The following ZNF525 variants were observed in gnomAD, a reference collection of about 807,000 sequenced individuals.
ZNF525 encodes zinc finger protein 525.
In ZNF525, 33 loss-of-function variants were observed where a neutral mutation model predicts 37.6. The observed-to-expected ratio is 0.88, with a 90% CI of 0.67 to 1.17. The LOEUF (loss-of-function observed/expected upper bound fraction) is 1.17, where lower values mean the gene tolerates loss of function less well. Ranked by LOEUF, ZNF525 falls within the 50% of genes most tolerant of loss-of-function variation. The pLI is 0.00. For missense variants in ZNF525, 449 were observed against 543.1 expected, an observed-to-expected ratio of 0.83 and a Z score of 1.72; for synonymous variants, 170 against 182.3, an observed-to-expected ratio of 0.93 and a Z score of 0.54.
rs140367701 is a variant in ZNF525 at position 53,376,010 on chromosome 19, T to C, written c.142+114T>C. The stretch of plus-strand genomic sequence containing the variant: ...TCCCCAAGGGTGGGGTGCAATGGTG[T>C]GATCATGGCTCACTGCAATCTTGAA... On this transcript the variant is annotated intron_variant, in intron 3 of 3. Coordinates refer to ENST00000474037, the MANE Select transcript of ZNF525 (RefSeq NM_001348156.2). 3,514 of 1,572,152 alleles carry C rather than the reference T, an allele frequency of 2.2e-3. 2 individuals are homozygous for C. The highest frequency in any genetic ancestry group is 2.7e-3 in the Non-Finnish European group (3,197 of 1,163,470).
intron 1 of ZNF525, among the ~76,000 whole-genome samples, chr19:53,371,351 AC>A (rs890760749): frequency 9.9e-5 from 15 of 151,930 alleles, no homozygotes; most frequent in Admixed American, 5.2e-4. Flanking sequence ...GGTGTGTGCC[AC>A]CACACTCAGC....
At chr19:53,377,141 A>G (rs532845035) in intron 3 of ZNF525, among the ~76,000 whole-genome samples, 16 of 152,374 alleles carry the variant, frequency 1.1e-4, no homozygotes, top group African/African-American at 3.6e-4. Flanking sequence ...GAAGGGACAC[A>G]TATACCAGTT....
chr19:53,374,212 T>C (rs2085506607), intron 2 of ZNF525, among the ~76,000 whole-genome samples: 1 of 151,924 alleles, frequency 6.6e-6, no homozygotes, highest in African/African-American at 2.4e-5. Context: ...GCTCCTCTCC[T>C]TCCTCCCACT....
chr19:53,379,002 G>A (rs962303191), intron 3 of ZNF525, among the ~76,000 whole-genome samples: 1 of 152,070 alleles, frequency 6.6e-6, no homozygotes, highest in Admixed American at 6.6e-5. Context: ...TTTATGCATA[G>A]TGAACTAGAT....
chr19:53,377,792 C>T (rs762754062), intron 3 of ZNF525, among the ~76,000 whole-genome samples: 26 of 152,074 alleles, frequency 1.7e-4, no homozygotes, highest in Non-Finnish European at 3.1e-4. Flanking sequence ...GATCTCCTGA[C>T]CTCATGATCC....
chr19:53,380,231 C>T (rs2085550019), intron 3 of ZNF525, among the ~76,000 whole-genome samples: 2 of 151,756 alleles, frequency 1.3e-5, no homozygotes, highest in African/African-American at 4.8e-5. Flanking sequence ...GCTGGGAGTA[C>T]AGACGTGCAC....
rs2085580674 is a variant in ZNF525 at position 53,383,237 on chromosome 19, A to C, written c.*1218A>C. ...AATTCACACTGGGGAGAAACCTTAC[A>C]AGTGTAATGAGTGTGGCAAAACCTT... On this transcript the variant is annotated 3_prime_UTR_variant, in exon 4 of 4. Transcript: ENST00000474037. 7.0e-7 allele frequency: 1 copy of C among 1,431,448 alleles called. No individual in the cohort carries two copies. The highest frequency in any genetic ancestry group is 1.4e-5 in the African/African-American group (1 of 70,638). The allele number at this position is 1,431,448 out of a possible 1,614,324, so 88.7% of individuals were successfully genotyped here.
Position 53,382,075 on chromosome 19 carries a change from AT to A in ZNF525, c.*58del. The A allele has an allele frequency of 6.8e-7, 1 of 1,462,712 alleles. No individual in the cohort carries two copies. The highest frequency in any genetic ancestry group is 1.8e-5 in the Admixed American group (1 of 55,496). 90.6% of individuals were successfully genotyped at this position (1,462,712 alleles called of 1,614,324 possible). ...GGAGAGAAATGTTATAAGTGTAATG[AT>A]TGTGGCAAGATCTTCAGTCATACGT... On this transcript the variant is annotated 3_prime_UTR_variant, in exon 4 of 4. Coordinates refer to ENST00000474037, the MANE Select transcript of ZNF525 (RefSeq NM_001348156.2).
chr19:53,374,282 A>C (rs551680285), intron 2 of ZNF525, among the ~76,000 whole-genome samples: 1 of 152,220 alleles, frequency 6.6e-6, no homozygotes, highest in African/African-American at 2.4e-5. Flanking sequence ...TCCAGGAAAT[A>C]TTTTACCTTG....
chr19:53,373,093 A>T (rs10421033), intron 2 of ZNF525, among the ~76,000 whole-genome samples: 4 of 151,910 alleles, frequency 2.6e-5, no homozygotes, highest in African/African-American at 9.7e-5. Flanking sequence ...TATTCTGATA[A>T]TATTATTATA....
chr19:53,383,251 TG>T lies in ZNF525; in HGVS notation c.*1234del. 7.0e-7 allele frequency: 1 copy of T among 1,429,854 alleles called. No individual in the cohort carries two copies. Among genetic ancestry groups the T allele is most frequent in the Non-Finnish European group, 9.6e-7 (1 of 1,040,724 alleles). The allele number at this position is 1,429,854 out of a possible 1,614,324, so 88.6% of individuals were successfully genotyped here. ...AGAAACCTTACAAGTGTAATGAGTG[TG>T]GCAAAACCTTCCATCACAATTCAGT... is the stretch of plus-strand genomic sequence containing the variant. On this transcript the variant is annotated 3_prime_UTR_variant, in exon 4 of 4. Transcript: ENST00000474037.
intron 1 of ZNF525, among the ~76,000 whole-genome samples, chr19:53,369,198 G>T (rs536913237): frequency 1.3e-5 from 2 of 151,948 alleles, no homozygotes; most frequent in Admixed American, 6.5e-5. Flanking sequence ...GATACATAAG[G>T]TTGGTTATTT....
At chr19:53,375,953 C>G in intron 3 of ZNF525, 57 bp downstream of exon 3, 1 of 1,611,150 alleles carries the variant, frequency 6.2e-7, no homozygotes, top group Non-Finnish European at 8.5e-7. Flanking sequence ...TTTGTATTTT[C>G]TCTTTTTTTA....
Position 53,381,612 on chromosome 19 carries a change from C to T in ZNF525, c.1033C>T (p.His345Tyr). The T allele has an allele frequency of 9.1e-7, 1 of 1,100,148 alleles. No homozygotes were observed. Among genetic ancestry groups the T allele is most frequent in the Non-Finnish European group, 1.4e-6 (1 of 710,456 alleles). 68.1% of individuals were successfully genotyped at this position (1,100,148 alleles called of 1,614,324 possible). A position where few individuals can be genotyped will look rare whatever the true frequency, so the allele number is the denominator to read the frequency against. The stretch of plus-strand genomic sequence containing the variant: ...TAGTCAGAAGTCATACCTTGCATGC[C>T]ATCGTAGCATTCATACTGGAAAGAA... The part of the protein sequence containing the change: ...TFSQKSYLAC[H>Y]RSIHTGKKPY... Residue 345 changes from histidine to tyrosine, a missense_variant, in exon 4 of 4, where the codon CAT becomes TAT. Around this residue, in one of 2 missense-constraint regions of ZNF525, gnomAD observed 178 missense variants for 161.5 expected, o/e 1.10. Transcript: ENST00000474037.
At chr19:53,372,989 TA>T (rs2085497979) in intron 2 of ZNF525, among the ~76,000 whole-genome samples, 1 of 152,206 alleles carries the variant, frequency 6.6e-6, no homozygotes, top group African/African-American at 2.4e-5. Context: ...AAAATGGTTA[TA>T]ACTTTTCTCA....
intron 3 of ZNF525, 153 bp downstream of exon 3, chr19:53,376,049 GTGAT>G: frequency 6.6e-7 from 1 of 1,516,054 alleles, no homozygotes; most frequent in Non-Finnish European, 8.9e-7. Context: ...CTGGGCTCAA[GTGAT>G]TGTCCCACCT....
intron 3 of ZNF525, among the ~76,000 whole-genome samples, chr19:53,380,335 T>C (rs2085550670): frequency 6.6e-6 from 1 of 152,168 alleles, no homozygotes; most frequent in African/African-American, 2.4e-5. Flanking sequence ...TGGTTATCCT[T>C]ACATGAGCTT....
intron 2 of ZNF525, among the ~76,000 whole-genome samples, chr19:53,374,415 C>T (rs2085507971): frequency 6.6e-6 from 1 of 152,186 alleles, no homozygotes; most frequent in African/African-American, 2.4e-5. Context: ...TGTGATTTTT[C>T]CCTGTATAAA....
At chr19:53,368,473 T>C (rs1292950038) in intron 1 of ZNF525, among the ~76,000 whole-genome samples, 1 of 152,218 alleles carries the variant, frequency 6.6e-6, no homozygotes, top group Non-Finnish European at 1.5e-5. Context: ...ACTGTGGGCA[T>C]TGCTTTGGGG....
Sources: allele counts gnomAD v4.1 joint callset (sites outside exome capture counted in the v4.1 genomes callset), GRCh38; gene constraint gnomAD v4.1.1; regional missense constraint gnomAD v4.1.1; transcripts MANE v1.5; gene names NCBI Gene and HGNC (gene_info 2026-07-23, HGNC 2026-07-21).